ZC3HAV1: variants seen among roughly 807,000 people sequenced by gnomAD.
ZC3HAV1 encodes zinc finger CCCH-type containing, antiviral 1, also known as zinc finger CCCH-type antiviral protein 1.
In ZC3HAV1, 41 loss-of-function variants were observed where a neutral mutation model predicts 86.6. That is an observed-to-expected ratio of 0.47 (90% CI 0.37 to 0.61). ZC3HAV1 has a LOEUF of 0.61. Among genes scored for constraint, ZC3HAV1 ranks in the 20% least tolerant of loss-of-function variants. The probability of loss-of-function intolerance (pLI) is 0.00; values close to 1 mark genes in which losing one functional copy is unlikely to be tolerated. For missense variants in ZC3HAV1, 964 were observed against 1,141.1 expected (o/e 0.84, Z 2.24); for synonymous variants, 421 against 432.1 (o/e 0.97, Z 0.32).
At chr7:139,084,396 C>T (rs1286006275) in intron 2 of ZC3HAV1, among the ~76,000 whole-genome samples, 1 of 152,228 alleles carries the variant, frequency 6.6e-6, no homozygotes, top group East Asian at 1.9e-4. Context: ...ACATGTGGGT[C>T]TTACCTGCAA....
At chr7:139,072,254 C>T (rs1487772110) in intron 7 of ZC3HAV1, among the ~76,000 whole-genome samples, 1 of 151,878 alleles carries the variant, frequency 6.6e-6, no homozygotes, top group African/African-American at 2.4e-5. Flanking sequence ...GGTGCAATCT[C>T]GGCTCACTGC....
intron 12 of ZC3HAV1, among the ~76,000 whole-genome samples, chr7:139,048,878 T>C (rs1816037840): frequency 6.6e-6 from 1 of 152,076 alleles, no homozygotes; most frequent in Admixed American, 6.6e-5. Flanking sequence ...TAAAGTAAAA[T>C]ATGGAAGTCT....
rs555754519 is a variant in ZC3HAV1 at position 139,077,078 on chromosome 7, T to A, written c.1574-669A>T. On this transcript the variant is annotated intron_variant, in intron 5 of 12. Transcript: ENST00000242351. ...ATTTCCTTGAAGCCCTGGCCTACAG[T>A]TCATCTCTTCCAGAAAGATTCTCTT... Among the ~76,000 whole-genome samples the A allele has an allele frequency of 4.1e-4, 63 of 152,214 alleles. 1 individual carries two copies. The highest frequency in any genetic ancestry group is 1.4e-3 in the African/African-American group (58 of 41,526).
chr7:139,076,856 C>T (rs1422570991), intron 5 of ZC3HAV1, among the ~76,000 whole-genome samples: 1 of 151,586 alleles, frequency 6.6e-6, no homozygotes, highest in African/African-American at 2.4e-5. Flanking sequence ...CACCCCACTG[C>T]ACTCCAGCCT....
intron 7 of ZC3HAV1, among the ~76,000 whole-genome samples, chr7:139,070,851 G>A (rs150603299): frequency 0.014 from 2,079 of 151,808 alleles, 43 homozygotes; most frequent in African/African-American, 0.047. Context: ...GCATGGTGGT[G>A]GATGCCTGTA....
intron 12 of ZC3HAV1, among the ~76,000 whole-genome samples, chr7:139,052,018 C>T (rs1452271047): frequency 6.6e-6 from 1 of 151,660 alleles, no homozygotes; most frequent in Non-Finnish European, 1.5e-5. Context: ...AGTTAATTCC[C>T]TCAAACATTA....
At chr7:139,051,931 A>G (rs1349650014) in intron 12 of ZC3HAV1, among the ~76,000 whole-genome samples, 1 of 151,484 alleles carries the variant, frequency 6.6e-6, no homozygotes. Context: ...TCTGTGATAA[A>G]CTATTACTTA....
chr7:139,064,949 G>C lies in ZC3HAV1; in HGVS notation c.1923C>G (p.Leu641=). Residue 641 remains leucine, a synonymous_variant, in exon 8 of 13, where the codon CTC becomes CTG. Coordinates refer to ENST00000242351, the MANE Select transcript of ZC3HAV1 (RefSeq NM_020119.4). The part of the protein sequence containing the change: ...SNVDSSYLES[L]YQSCPRGVVP... ...CAACTCCCCTCGGACAGGATTGATA[G>C]AGAGACTCCAGGTATGAAGAGTCGA... 1 of 1,614,222 alleles carries C rather than the reference G, an allele frequency of 6.2e-7. No homozygotes were observed. Among genetic ancestry groups the C allele is most frequent in the Non-Finnish European group, 8.5e-7 (1 of 1,180,046 alleles).
At chr7:139,047,954 T>G in intron 12 of ZC3HAV1, 101 bp from the exon 13 acceptor site, 1 of 1,184,508 alleles carries the variant, frequency 8.4e-7, no homozygotes, top group Non-Finnish European at 1.2e-6. Flanking sequence ...ACTAAGCATA[T>G]GTCAATAATA....
intron 7 of ZC3HAV1, among the ~76,000 whole-genome samples, chr7:139,069,202 T>C (rs1322626813): frequency 6.6e-6 from 1 of 152,178 alleles, no homozygotes; most frequent in African/African-American, 2.4e-5. Context: ...TAGCTACCAT[T>C]AGTTTAATAG....
chr7:139,095,089 G>A (rs908711910), intron 1 of ZC3HAV1, among the ~76,000 whole-genome samples: 26 of 150,714 alleles, frequency 1.7e-4, no homozygotes, highest in African/African-American at 5.9e-4. Flanking sequence ...CAAAAAGATC[G>A]TTGATTTGTA....
chr7:139,061,282 G>C (rs1021658398), intron 8 of ZC3HAV1, 144 bp from the exon 9 acceptor site: 1 of 755,472 alleles, frequency 1.3e-6, no homozygotes, highest in Non-Finnish European at 2.1e-6. Context: ...CCTTTGGGAT[G>C]AGAATTGCTC....
chr7:139,089,546 T>A, intron 2 of ZC3HAV1, 78 bp downstream of exon 2: 1 of 1,474,898 alleles, frequency 6.8e-7, no homozygotes, highest in Non-Finnish European at 9.0e-7. Flanking sequence ...GAATTTTCTC[T>A]GCTCCTACTC....
At chr7:139,074,498 C>A (rs1816876253) in intron 6 of ZC3HAV1, among the ~76,000 whole-genome samples, 1 of 152,024 alleles carries the variant, frequency 6.6e-6, no homozygotes, top group South Asian at 2.1e-4. Context: ...ATGAAATTTT[C>A]CAGAGGCTAC....
intron 9 of ZC3HAV1, chr7:139,060,356 A>G (rs996098436): frequency 1.8e-5 from 18 of 985,594 alleles, no homozygotes; most frequent in African/African-American, 3.5e-5. Flanking sequence ...AACAATGTAG[A>G]GTTTACTGAG....
chr7:139,049,885 A>G (rs953838664), intron 12 of ZC3HAV1: 1 of 153,618 alleles, frequency 6.5e-6, no homozygotes, highest in African/African-American at 2.4e-5. Context: ...GGCTTTTCAT[A>G]TAGGCGTACT....
intron 2 of ZC3HAV1, among the ~76,000 whole-genome samples, chr7:139,085,605 G>T (rs1256948206): frequency 6.6e-6 from 1 of 152,158 alleles, no homozygotes; most frequent in African/African-American, 2.4e-5. Context: ...TTTCACTGTG[G>T]TCCCCATCTC....
Position 139,055,215 on chromosome 7 carries a change from T to C in ZC3HAV1, c.2177A>G (p.Lys726Arg). ...PQEDFCFLSS[K>R]KYKLSEIHHL... ...TGTAAAACCAAGTACCTTATATTTC[T>C]TTGAGGATAGGAAGCAAAAGTCCTC... The change falls in exon 10 of 13, where the codon AAG becomes AGG. Residue 726 changes from lysine (K) to arginine (R), a missense_variant. Physicochemically the swap from Lys to Arg is conservative, Grantham distance 26. Transcript: ENST00000242351. 6.2e-7 allele frequency: 1 copy of C among 1,612,910 alleles called. No homozygotes were observed. The highest frequency in any genetic ancestry group is 1.1e-5 in the South Asian group (1 of 90,820).
chr7:139,076,360 A>G lies in ZC3HAV1; in HGVS notation c.1623T>C (p.Leu541=), dbSNP rs1318522891. ...HFHLPYRWQM[L]IGKTWTDFEH... ...CAAAGTCCGTCCAGGTTTTACCAAT[A>G]AGCATCTGCCACCGGTAAGGCAGAT... Residue 541 remains leucine, a synonymous_variant, in exon 6 of 13, where the codon CTT becomes CTC. Transcript: ENST00000242351. 6.2e-7 allele frequency: 1 copy of G among 1,613,956 alleles called. No individual in the cohort carries two copies. The highest frequency in any genetic ancestry group is 1.3e-5 in the African/African-American group (1 of 74,858).
Sources: gnomAD v4.1 joint callset for allele counts (sites outside exome capture counted in the v4.1 genomes callset) on GRCh38, gnomAD v4.1.1 for gene constraint, MANE v1.5 for transcripts, NCBI Gene and HGNC (gene_info 2026-07-23, HGNC 2026-07-21) for gene names.